The following CSMD3 variants were observed in gnomAD, a reference collection of about 807,000 sequenced individuals.
CSMD3 encodes CUB and Sushi multiple domains 3.
CSMD3 carries 177 observed loss-of-function variants against 435.2 expected under a neutral mutation model. The ratio of observed to expected loss-of-function variants is 0.41; its 90% confidence interval spans 0.36 to 0.46. The LOEUF is 0.46. Ranked by LOEUF, CSMD3 falls within the 20% of genes least tolerant of loss-of-function variation. The pLI, the probability that CSMD3 is intolerant of heterozygous loss-of-function variation, is 0.34. For missense variants in CSMD3, 4,265 were observed against 4,504.6 expected (o/e 0.95, Z 1.52); for synonymous variants, 1,656 against 1,520.5 (o/e 1.09, Z -2.07).
In CSMD3 at chr8:112,337,732, C is replaced by A. The variant is rs2130967712; in HGVS notation, c.6653-1G>T. The stretch of plus-strand genomic sequence containing the variant: ...TCAGGACAGCTTTGCAACTGATAGG[C>A]TGGAAAGAGGAAAAAGAAAGACATT... On this transcript the variant is annotated splice_acceptor_variant, in intron 42 of 70. Transcript: ENST00000297405. LOFTEE classifies it high-confidence loss of function. The A allele has an allele frequency of 6.2e-7, 1 of 1,607,342 alleles. No individual in the cohort carries two copies. The highest frequency in any genetic ancestry group is 8.5e-7 in the Non-Finnish European group (1 of 1,175,344).
chr8:113,385,064 A>G (rs946437467), intron 1 of CSMD3, among the ~76,000 whole-genome samples: 1 of 152,178 alleles, frequency 6.6e-6, no homozygotes, highest in Non-Finnish European at 1.5e-5. Context: ...GGTTCAAACA[A>G]TTTAATTTTG....
chr8:113,215,209 C>T (rs1041550936), intron 3 of CSMD3, among the ~76,000 whole-genome samples: 1 of 151,804 alleles, frequency 6.6e-6, no homozygotes, highest in African/African-American at 2.4e-5. Context: ...CCCTTTTGAG[C>T]TTTGAGGCAG....
chr8:112,827,071 C>A (rs1428627259), intron 12 of CSMD3, among the ~76,000 whole-genome samples: 2 of 148,604 alleles, frequency 1.3e-5, no homozygotes, highest in East Asian at 2.0e-4. Context: ...TCAATCCCAA[C>A]AAATGTACTC....
intron 37 of CSMD3, 136 bp downstream of exon 37, chr8:112,383,431 T>G (rs890673328): frequency 3.1e-6 from 2 of 637,958 alleles, no homozygotes; most frequent in Non-Finnish European, 5.6e-6. Context: ...CTTTTAAACT[T>G]CAGTCCTTGT....
Position 112,383,078 on chromosome 8 carries a change from T to C in CSMD3, c.6031+489A>G, listed in dbSNP as rs536813654. Among the ~76,000 whole-genome samples the C allele has an allele frequency of 2.0e-5, 3 of 152,322 alleles. No homozygotes were observed. In the South Asian group the frequency reaches 6.2e-4, roughly 32 times the overall value. ...ATATAAGACTTCTATTTTATTTATT[T>C]CTGGTCTTGTTAAACATGTATACAC... On this transcript the variant is annotated intron_variant, in intron 37 of 70. Transcript: ENST00000297405.
At chr8:112,386,655 G>A (rs547090204) in intron 36 of CSMD3, among the ~76,000 whole-genome samples, 195 of 151,996 alleles carry the variant, frequency 1.3e-3, no homozygotes, top group African/African-American at 4.6e-3. Context: ...CCGCCACCAC[G>A]CCCGGCTAAT....
At chr8:112,374,982 C>T (rs1329763891) in intron 38 of CSMD3, among the ~76,000 whole-genome samples, 1 of 152,120 alleles carries the variant, frequency 6.6e-6, no homozygotes, top group Non-Finnish European at 1.5e-5. Flanking sequence ...AGATTAAACG[C>T]CATTCACTTT....
intron 5 of CSMD3, among the ~76,000 whole-genome samples, chr8:113,041,380 C>T (rs1311801461): frequency 1.3e-5 from 2 of 152,042 alleles, no homozygotes; most frequent in Non-Finnish European, 2.9e-5. Context: ...TCTCACTTCT[C>T]ATCCACCCTC....
At chr8:113,317,260 GCTATCACCCA>G (rs1309243379) in intron 1 of CSMD3, among the ~76,000 whole-genome samples, 5 of 152,090 alleles carry the variant, frequency 3.3e-5, no homozygotes, top group African/African-American at 1.2e-4. Flanking sequence ...AGGTTAATTA[GCTATCACCCA>G]TTTCTATTAG....
At chr8:112,806,003 A>C (rs1296994568) in intron 12 of CSMD3, among the ~76,000 whole-genome samples, 2 of 152,158 alleles carry the variant, frequency 1.3e-5, no homozygotes, top group Non-Finnish European at 2.9e-5. Flanking sequence ...CAATAGACAA[A>C]TTGCAAAATT....
intron 63 of CSMD3, among the ~76,000 whole-genome samples, chr8:112,247,463 ATAGT>A (rs1290634283): frequency 3.9e-5 from 6 of 152,286 alleles, no homozygotes; most frequent in South Asian, 2.1e-4. Context: ...AGAGAGATAG[ATAGT>A]TAGATAAAGA....
intron 9 of CSMD3, among the ~76,000 whole-genome samples, chr8:112,946,823 G>A (rs1351019418): frequency 6.6e-6 from 1 of 151,514 alleles, no homozygotes; most frequent in African/African-American, 2.4e-5. Context: ...TGTTTGTGTG[G>A]AAATTGTATT....
At chr8:112,613,290 T>C (rs1296297310) in intron 22 of CSMD3, among the ~76,000 whole-genome samples, 9 of 152,096 alleles carry the variant, frequency 5.9e-5, no homozygotes, top group Admixed American at 5.9e-4. Flanking sequence ...TTTGTTTTCA[T>C]TTTTTTGGTT....
intron 35 of CSMD3, among the ~76,000 whole-genome samples, chr8:112,395,102 C>T (rs567643489): frequency 2.6e-4 from 39 of 152,118 alleles, no homozygotes; most frequent in Non-Finnish European, 4.4e-4. Context: ...AGCAGATACG[C>T]AATACCACAA....
intron 27 of CSMD3, among the ~76,000 whole-genome samples, chr8:112,518,627 T>A (rs369857372): frequency 0.022 from 2,975 of 132,928 alleles, 72 homozygotes; most frequent in African/African-American, 0.067. Context: ...TGTGTGTGTG[T>A]GTGAGAGAGA....
chr8:112,628,917 T>A (rs1369366462), intron 22 of CSMD3, among the ~76,000 whole-genome samples: 1 of 152,022 alleles, frequency 6.6e-6, no homozygotes, highest in Non-Finnish European at 1.5e-5. Flanking sequence ...TCAGAATTTA[T>A]CTTAAGGGCA....
intron 32 of CSMD3, among the ~76,000 whole-genome samples, chr8:112,416,290 C>G (rs1811906332): frequency 1.3e-5 from 2 of 152,184 alleles, no homozygotes; most frequent in South Asian, 2.1e-4. Context: ...CCGCTTCTGG[C>G]TCTCACTTCA....
At chr8:112,698,600 G>A (rs2076311488) in intron 13 of CSMD3, among the ~76,000 whole-genome samples, 1 of 152,076 alleles carries the variant, frequency 6.6e-6, no homozygotes, top group African/African-American at 2.4e-5. Context: ...ATGATGGTGG[G>A]GACATATCAA....
chr8:112,899,928 T>C (rs932926874), intron 10 of CSMD3, among the ~76,000 whole-genome samples: 6 of 151,122 alleles, frequency 4.0e-5, no homozygotes, highest in Admixed American at 1.3e-4. Context: ...ATTATTTTTA[T>C]TTGTTAGAAT....
Sources: allele counts gnomAD v4.1 joint callset (sites outside exome capture counted in the v4.1 genomes callset), GRCh38; gene constraint gnomAD v4.1.1; transcripts MANE v1.5; gene names NCBI Gene and HGNC (gene_info 2026-07-23, HGNC 2026-07-21).